Variants in FAM81B observed in about 807,000 individuals in gnomAD.
FAM81B encodes the protein family with sequence similarity 81 member B.
In FAM81B, 60 loss-of-function variants were observed where a neutral mutation model predicts 58.7. That is an observed-to-expected ratio of 1.02 (90% CI 0.83 to 1.27). FAM81B has a LOEUF of 1.27. Among genes scored for constraint, FAM81B ranks in the 50% most tolerant of loss-of-function variants. The pLI is 0.00. For synonymous variants in FAM81B, 189 were observed against 179.6 expected (o/e 1.05, Z -0.42); for missense variants, 491 against 522.0 (o/e 0.94, Z 0.58).
intron 7 of FAM81B, chr5:95,440,597 G>T (rs542489276): frequency 3.1e-4 from 204 of 659,716 alleles, no homozygotes; most frequent in Non-Finnish European, 5.0e-4. Flanking sequence ...AGCTCAGAGA[G>T]CTACAGACAA....
intron 5 of FAM81B, chr5:95,424,275 A>G (rs1456141938): frequency 9.7e-6 from 12 of 1,232,228 alleles, no homozygotes; most frequent in Non-Finnish European, 1.3e-5. Flanking sequence ...CCCCAGATAG[A>G]CAGAAGACAG....
At chr5:95,408,031 C>T (rs1456249981) in intron 3 of FAM81B, among the ~76,000 whole-genome samples, 1 of 150,612 alleles carries the variant, frequency 6.6e-6, no homozygotes, top group Non-Finnish European at 1.5e-5. Flanking sequence ...CCATGTGGAC[C>T]TCTCCACAGG....
In FAM81B at chr5:95,427,112, C is replaced by T. The variant is rs138766586; in HGVS notation, c.657-1491C>T. ...AGGAAGTAGCAGAAGCATGGTCTAT[C>T]TGACACCAGAAACCACATTTTTAAC... On this transcript the variant is annotated intron_variant, in intron 5 of 9. Coordinates refer to ENST00000283357, the MANE Select transcript of FAM81B (RefSeq NM_152548.3). Among the ~76,000 whole-genome samples the T allele has an allele frequency of 1.6e-3, 247 of 152,260 alleles. 7 individuals carry two copies. The highest frequency in any genetic ancestry group is 0.014 in the Admixed American group (207 of 15,300).
intron 3 of FAM81B, among the ~76,000 whole-genome samples, chr5:95,408,248 T>C (rs1315845268): frequency 6.6e-6 from 1 of 152,186 alleles, no homozygotes; most frequent in Non-Finnish European, 1.5e-5. Context: ...GAAGGAGTAA[T>C]ATATTAAGGC....
chr5:95,391,420 T>A lies in FAM81B; in HGVS notation c.31T>A (p.Ser11Thr), dbSNP rs776053729. MQLQFLGTLA[S>T]SEKRKKSQRL... ...ATTACAATTCCTTGGTACATTGGCT[T>A]CCTCAGAAAAAAGAAAAAAATCACA... Residue 11 changes from serine to threonine, a missense_variant, in exon 1 of 10, where the codon TCC (serine) becomes ACC (threonine). Physicochemically the swap from Ser to Thr is moderately conservative, Grantham distance 58. Transcript: ENST00000283357. 19 of 1,613,624 alleles carry A rather than the reference T, an allele frequency of 1.2e-5. No homozygotes were observed. The highest frequency in any genetic ancestry group is 1.6e-5 in the Non-Finnish European group (19 of 1,179,716).
chr5:95,441,342 G>A (rs146361229), intron 7 of FAM81B, among the ~76,000 whole-genome samples: 2,182 of 152,174 alleles, frequency 0.014, 47 homozygotes, highest in African/African-American at 0.049. Context: ...AGGCCAAGGC[G>A]GGCAGATCAC....
chr5:95,398,451 TAAAA>T (rs1554042470), intron 3 of FAM81B, among the ~76,000 whole-genome samples: 16 of 151,376 alleles, frequency 1.1e-4, no homozygotes, highest in African/African-American at 3.9e-4. Flanking sequence ...AATAAATAAA[TAAAA>T]AACTTCAGCC....
At chr5:95,399,544 G>A (rs1762052936) in intron 3 of FAM81B, among the ~76,000 whole-genome samples, 1 of 151,900 alleles carries the variant, frequency 6.6e-6, no homozygotes, top group African/African-American at 2.4e-5. Flanking sequence ...ACAGGGATTG[G>A]GCATTACCCA....
intron 6 of FAM81B, among the ~76,000 whole-genome samples, chr5:95,431,349 C>A (rs1744882389): frequency 2.0e-5 from 3 of 151,968 alleles, no homozygotes; most frequent in Admixed American, 2.0e-4. Flanking sequence ...TGTGTCTTAA[C>A]TACTGTTTTA....
At chr5:95,400,637 C>A (rs1381936972) in intron 3 of FAM81B, among the ~76,000 whole-genome samples, 1 of 152,088 alleles carries the variant, frequency 6.6e-6, no homozygotes, top group East Asian at 1.9e-4. Flanking sequence ...CAACCCATAA[C>A]AATATTTAAT....
chr5:95,430,431 G>T (rs1744826776), intron 6 of FAM81B, among the ~76,000 whole-genome samples: 1 of 137,528 alleles, frequency 7.3e-6, no homozygotes, highest in African/African-American at 3.1e-5. Flanking sequence ...ATAGAGCTAT[G>T]CTTTTAAAAA....
At chr5:95,399,191 C>A (rs539956453) in intron 3 of FAM81B, among the ~76,000 whole-genome samples, 17 of 152,246 alleles carry the variant, frequency 1.1e-4, no homozygotes, top group African/African-American at 4.1e-4. Context: ...GTCAAATGGG[C>A]AAAATAATAA....
chr5:95,397,588 G>A (rs1443155078), intron 3 of FAM81B, among the ~76,000 whole-genome samples: 2 of 152,176 alleles, frequency 1.3e-5, no homozygotes, highest in African/African-American at 4.8e-5. Flanking sequence ...CTGGAAAATG[G>A]TAACAAACTT....
At chr5:95,422,853 T>C (rs149814018) in intron 5 of FAM81B, among the ~76,000 whole-genome samples, 36 of 152,326 alleles carry the variant, frequency 2.4e-4, no homozygotes, top group Non-Finnish European at 5.0e-4. Context: ...TACGCAATTC[T>C]TTTTGCTCTG....
intron 8 of FAM81B, among the ~76,000 whole-genome samples, 200 bp from the exon 9 acceptor site, chr5:95,448,069 A>G (rs896611191): frequency 6.6e-6 from 1 of 152,140 alleles, no homozygotes; most frequent in African/African-American, 2.4e-5. Flanking sequence ...ATTCCATTAC[A>G]TGTTGAATTC....
At chr5:95,399,706 G>A (rs886442859) in intron 3 of FAM81B, among the ~76,000 whole-genome samples, 3 of 152,154 alleles carry the variant, frequency 2.0e-5, no homozygotes, top group African/African-American at 4.8e-5. Flanking sequence ...GTTCTCTAGA[G>A]CACAGAGGGA....
At chr5:95,399,602 G>A (rs1235703255) in intron 3 of FAM81B, among the ~76,000 whole-genome samples, 4 of 152,040 alleles carry the variant, frequency 2.6e-5, no homozygotes, top group Non-Finnish European at 4.4e-5. Flanking sequence ...ATGATGATCA[G>A]TCCCTCCTAA....
chr5:95,440,605 C>T, intron 7 of FAM81B: 1 of 718,368 alleles, frequency 1.4e-6, no homozygotes, highest in Middle Eastern at 3.8e-4. Flanking sequence ...GAGCTACAGA[C>T]AAAAATTAAT....
chr5:95,394,575 C>T (rs1761913556), intron 2 of FAM81B, among the ~76,000 whole-genome samples: 1 of 152,166 alleles, frequency 6.6e-6, no homozygotes, highest in South Asian at 2.1e-4. Context: ...GGTCCTCTGA[C>T]TTAGGAAAGT....
Sources: allele counts gnomAD v4.1 joint callset (sites outside exome capture counted in the v4.1 genomes callset), GRCh38; gene constraint gnomAD v4.1.1; transcripts MANE v1.5; gene names NCBI Gene and HGNC (gene_info 2026-07-23, HGNC 2026-07-21).